C10orf53: variants seen among roughly 807,000 people sequenced by gnomAD.
C10orf53 encodes chromosome 10 open reading frame 53.
In C10orf53, 8 loss-of-function variants were observed where a neutral mutation model predicts 9.4. That is an observed-to-expected ratio of 0.85 (90% confidence interval 0.50 to 1.53). The LOEUF (loss-of-function observed/expected upper bound fraction) is 1.53. Among genes scored for constraint, C10orf53 ranks in the 40% most tolerant of loss-of-function variants. C10orf53 has a pLI of 0.00. For missense variants in C10orf53, 117 were observed against 117.8 expected (o/e 0.99, Z 0.03); for synonymous variants, 48 against 46.0 (o/e 1.04, Z -0.18).
intron 1 of C10orf53, among the ~76,000 whole-genome samples, chr10:49,690,510 A>AAAGAAAAG (rs1247142222): frequency 6.6e-6 from 1 of 152,200 alleles, no homozygotes; most frequent in African/African-American, 2.4e-5. Flanking sequence ...ATCTTTTCTG[A>AAAGAAAAG]ACTTACCATG....
chr10:49,684,397 A>T (rs1345663037), intron 1 of C10orf53, among the ~76,000 whole-genome samples: 1 of 152,236 alleles, frequency 6.6e-6, no homozygotes, highest in Non-Finnish European at 1.5e-5. Flanking sequence ...TGCAAAAAAC[A>T]CCATTGGGAA....
At chr10:49,689,307 A>G (rs1336870375) in intron 1 of C10orf53, among the ~76,000 whole-genome samples, 4 of 152,168 alleles carry the variant, frequency 2.6e-5, no homozygotes, top group Non-Finnish European at 5.9e-5. Context: ...CAGGAAGAAA[A>G]TTACCAGTGG....
chr10:49,691,134 C>A (rs1310026077), intron 1 of C10orf53, among the ~76,000 whole-genome samples: 1 of 152,178 alleles, frequency 6.6e-6, no homozygotes, highest in Non-Finnish European at 1.5e-5. Context: ...GACTAGACAA[C>A]CCCACAGCAG....
At chr10:49,709,887 T>TCTGGTTCC (rs904214516) in exon 3 of C10orf53, 1 of 152,810 alleles carries the variant, frequency 6.5e-6, no homozygotes, top group African/African-American at 2.4e-5. Context: ...GGCTCCCCTC[T>TCTGGTTCC]CTGGTTCCCT....
In C10orf53 at chr10:49,682,540, CAGGAGCCAGTTGCTGCTGCTGGCGCAGG is replaced by C; in HGVS notation, c.97+2747_97+2774del. On this transcript the variant is annotated intron_variant, in intron 1 of 2. Transcript: ENST00000374111. ...AAATCTCCCAAAGCGTGGAGGGGGA[CAGGAGCCAGTTGCTGCTGCTGGCGCAGG>C]GGGACAGGAGCCAGTTGCTGCTGCT... Among the ~76,000 whole-genome samples the C allele has an allele frequency of 2.7e-3, 3 of 1,126 alleles. No homozygotes were observed. In the Non-Finnish European group the frequency reaches 0.033, roughly 13 times the overall value. 0.7% of individuals were successfully genotyped at this position (1,126 alleles called of 152,430 possible).
At chr10:49,701,471 G>T (rs148452446), downstream of C10orf53, among the ~76,000 whole-genome samples, 817 of 152,218 alleles carry the variant, frequency 5.4e-3, 8 homozygotes, top group African/African-American at 0.018. Flanking sequence ...ACTACAAATT[G>T]TTCCCCAAGT....
At chr10:49,705,775 G>A (rs1840718629) in intron 2 of C10orf53, among the ~76,000 whole-genome samples, 1 of 151,090 alleles carries the variant, frequency 6.6e-6, no homozygotes, top group Non-Finnish European at 1.5e-5. Context: ...TAGATAAATT[G>A]GACTTCATCA....
At chr10:49,701,657 C>T (rs1840684045), downstream of C10orf53, among the ~76,000 whole-genome samples, 1 of 152,174 alleles carries the variant, frequency 6.6e-6, no homozygotes, top group Non-Finnish European at 1.5e-5. Flanking sequence ...GGTTGACAAA[C>T]TCTTGCTCAG....
At position 49,695,896 on chromosome 10, in the gene C10orf53, C is replaced by CT. The variant is rs888747485; in HGVS notation, c.*1301dup. On this transcript the variant is annotated 3_prime_UTR_variant, in exon 3 of 3. Transcript: ENST00000374111. ...TCTTTTGTAACCCTACATTTAGTCC[C>CT]TTTTTTTCAAAACCCAGTTTAAGTT... 1.3e-5 allele frequency: 2 copies of CT among 152,054 alleles called. No individual in the cohort carries two copies. The highest frequency in any genetic ancestry group is 4.8e-5 in the African/African-American group (2 of 41,398). The allele number at this position is 152,054 out of a possible 1,614,324, so 9.4% of individuals were successfully genotyped here.
At position 49,697,158 on chromosome 10, in the gene C10orf53, A is replaced by C. The variant is rs1840643050; in HGVS notation, c.*2556A>C. Among the ~76,000 whole-genome samples the C allele has an allele frequency of 6.6e-6, 1 of 152,194 alleles. No individual in the cohort carries two copies. The highest frequency in any genetic ancestry group is 1.5e-5 in the Non-Finnish European group (1 of 68,034). Reference sequence around the variant, plus strand: ...CAGCGAACCTAGATCACGCCACTGCACTCCAGCCTGGGTGACAAAGTGAGA... The same window carrying C: ...CAGCGAACCTAGATCACGCCACTGCCCTCCAGCCTGGGTGACAAAGTGAGA... On this transcript the variant is annotated 3_prime_UTR_variant, in exon 3 of 3. Transcript: ENST00000374111.
rs1564510363 is a variant in C10orf53, at chr10:49,708,890, ATC to A, written c.*275_*276del. 1.3e-5 allele frequency: 6 copies of A among 476,342 alleles called. No individual in the cohort carries two copies. In the Admixed American group the frequency reaches 1.8e-4, roughly 14 times the overall value. 29.5% of individuals were successfully genotyped at this position (476,342 alleles called of 1,614,324 possible). Reference sequence around the variant, plus strand: ...TGGGAACTTGGGGACAGCCCCCACCATCTTCTGAAGTGAACTGATCTGCCCTT... The same window carrying A: ...TGGGAACTTGGGGACAGCCCCCACCATTCTGAAGTGAACTGATCTGCCCTT... On this transcript the variant is annotated 3_prime_UTR_variant, in exon 3 of 3. Transcript: ENST00000374112.
At chr10:49,692,124 C>T (rs532358019) in intron 1 of C10orf53, among the ~76,000 whole-genome samples, 16 of 152,302 alleles carry the variant, frequency 1.1e-4, no homozygotes, top group East Asian at 3.9e-4. Flanking sequence ...CCTTTCCAAA[C>T]GAGCTGGACT....
downstream of C10orf53, among the ~76,000 whole-genome samples, chr10:49,697,839 A>G (rs1270736393): frequency 1.3e-5 from 2 of 152,190 alleles, no homozygotes; most frequent in East Asian, 3.9e-4. Flanking sequence ...AGCCACACCA[A>G]GCCTGGCCCT....
At chr10:49,708,337 C>G (rs770825929) in intron 2 of C10orf53, 7 of 1,610,114 alleles carry the variant, frequency 4.3e-6, no homozygotes, top group Non-Finnish European at 5.9e-6. Flanking sequence ...ATGCTGCTTT[C>G]TTCTCTGTTG....
chr10:49,690,145 G>A (rs143282052), intron 1 of C10orf53, among the ~76,000 whole-genome samples: 59 of 152,278 alleles, frequency 3.9e-4, no homozygotes, highest in Non-Finnish European at 7.5e-4. Context: ...CCACAATAGG[G>A]GAAGGGAAGA....
intron 1 of C10orf53, among the ~76,000 whole-genome samples, chr10:49,682,802 C>T (rs890405669): frequency 1.3e-5 from 2 of 152,216 alleles, no homozygotes; most frequent in Non-Finnish European, 2.9e-5. Context: ...ACCCAGAAGC[C>T]CAGCTGGCTT....
chr10:49,688,382 T>A (rs990641974), intron 1 of C10orf53, among the ~76,000 whole-genome samples: 6 of 152,066 alleles, frequency 3.9e-5, no homozygotes, highest in African/African-American at 1.4e-4. Context: ...CCCCTCTGCA[T>A]TTTTTGTCCA....
Position 49,684,243 on chromosome 10 carries a change from C to A in C10orf53, c.97+4449C>A, listed in dbSNP as rs570249719. Among the ~76,000 whole-genome samples the A allele has an allele frequency of 2.0e-5, 3 of 152,300 alleles. No individual in the cohort carries two copies. In the East Asian group the frequency reaches 5.8e-4, roughly 29 times the overall value. ...TATGTCTATCCTTATGTCAGTATCA[C>A]ATGAGTTTGATTACTGTAGCTTTCT... On this transcript the variant is annotated intron_variant, in intron 1 of 2. Coordinates refer to ENST00000374111, the MANE Select transcript of C10orf53 (RefSeq NM_001042427.3).
rs769258153 is a variant in C10orf53, at chr10:49,693,776, G to T, written c.100G>T (p.Val34Leu). Reference protein sequence around the residue: ...HTFRLQGLQAVLAIDGHEVIL... With the variant: ...HTFRLQGLQALLAIDGHEVIL... The stretch of plus-strand genomic sequence containing the variant: ...ACCTCCTTTTCTTTCCTTCCCAGCT[G>T]TGTTGGCCATAGATGGACATGAGGT... Residue 34 changes from valine (V) to leucine (L), a missense_variant and splice_region_variant, in exon 2 of 3, where the codon GTG becomes TTG. Val to Leu is a conservative substitution (Grantham distance 32). Coordinates refer to ENST00000374111, the MANE Select transcript of C10orf53 (RefSeq NM_001042427.3). The T allele has an allele frequency of 6.2e-7, 1 of 1,613,482 alleles. No homozygotes were observed. The highest frequency in any genetic ancestry group is 1.7e-5 in the Admixed American group (1 of 60,008).
Sources: gnomAD v4.1 joint callset for allele counts (sites outside exome capture counted in the v4.1 genomes callset) on GRCh38, gnomAD v4.1.1 for gene constraint, MANE v1.5 for transcripts, NCBI Gene and HGNC (gene_info 2026-07-23, HGNC 2026-07-21) for gene names.